The following SEMA6D variants were observed in gnomAD, a reference collection of about 807,000 sequenced individuals.
The protein encoded by SEMA6D is semaphorin 6D.
SEMA6D carries 35 observed loss-of-function variants against 106.6 expected under a neutral mutation model. The ratio of observed to expected loss-of-function variants is 0.33; its 90% CI spans 0.25 to 0.44. The LOEUF is 0.44. Among genes scored for constraint, SEMA6D ranks in the 20% least tolerant of loss-of-function variants. The pLI is 1.00. For synonymous variants in SEMA6D, 499 were observed against 487.7 expected (o/e 1.02, Z -0.31); for missense variants, 1,185 against 1,345.9 (o/e 0.88, Z 1.87).
chr15:47,635,159 G>A (rs2144601451), intron 4 of SEMA6D, among the ~76,000 whole-genome samples: 1 of 152,252 alleles, frequency 6.6e-6, no homozygotes, highest in Middle Eastern at 3.4e-3. Context: ...ACATGTCAGG[G>A]ATACATGGGA....
intron 4 of SEMA6D, among the ~76,000 whole-genome samples, chr15:47,664,996 G>T (rs546367207): frequency 3.9e-5 from 6 of 152,080 alleles, no homozygotes; most frequent in Non-Finnish European, 8.8e-5. Flanking sequence ...GAGGTGGGGG[G>T]GCGTGGTTAA....
At chr15:47,312,113 C>T (rs2036470591) in intron 1 of SEMA6D, among the ~76,000 whole-genome samples, 2 of 150,114 alleles carry the variant, frequency 1.3e-5, no homozygotes, top group South Asian at 2.1e-4. Flanking sequence ...TTGCAATTGA[C>T]AGTATTCATT....
At chr15:47,730,464 C>T (rs1331814127) in intron 1 of SEMA6D, 3 of 1,338,146 alleles carry the variant, frequency 2.2e-6, no homozygotes, top group South Asian at 1.2e-5. Context: ...GGATCCACGT[C>T]GTGTGCAATC....
At chr15:47,629,017 C>T (rs1470926921) in intron 4 of SEMA6D, among the ~76,000 whole-genome samples, 1 of 152,030 alleles carries the variant, frequency 6.6e-6, no homozygotes, top group East Asian at 1.9e-4. Context: ...TGAGGGAGCA[C>T]CTTTGCCAAG....
intron 2 of SEMA6D, among the ~76,000 whole-genome samples, chr15:47,459,850 G>A (rs2042450902): frequency 6.6e-6 from 1 of 151,980 alleles, no homozygotes; most frequent in Admixed American, 6.6e-5. Flanking sequence ...ATGTGGAGTA[G>A]TGCAGAGTGT....
intron 15 of SEMA6D, 147 bp from the exon 16 acceptor site, chr15:47,766,469 A>G: frequency 1.4e-6 from 1 of 702,380 alleles, no homozygotes; most frequent in Non-Finnish European, 2.4e-6. Flanking sequence ...TAGTCATTTT[A>G]GCAAGTTATG....
intron 2 of SEMA6D, among the ~76,000 whole-genome samples, chr15:47,467,790 C>T (rs892212476): frequency 1.4e-4 from 22 of 152,186 alleles, no homozygotes; most frequent in East Asian, 1.4e-3. Flanking sequence ...AGACCTACAC[C>T]GGCAGCATCG....
intron 2 of SEMA6D, among the ~76,000 whole-genome samples, chr15:47,461,956 A>G (rs1189129898): frequency 6.6e-6 from 1 of 152,062 alleles, no homozygotes; most frequent in Non-Finnish European, 1.5e-5. Flanking sequence ...CCACATGAGT[A>G]AGATAGGCCT....
chr15:47,339,418 A>T (rs2037717690), intron 1 of SEMA6D, among the ~76,000 whole-genome samples: 2 of 152,174 alleles, frequency 1.3e-5, no homozygotes, highest in Non-Finnish European at 2.9e-5. Context: ...GAATTCGAAG[A>T]TACCCACTTG....
At chr15:47,681,743 A>T (rs1040508893) in intron 4 of SEMA6D, among the ~76,000 whole-genome samples, 4 of 152,212 alleles carry the variant, frequency 2.6e-5, no homozygotes, top group African/African-American at 9.6e-5. Context: ...TCTTCTTTAC[A>T]GTGGTGATAT....
At chr15:47,584,319 A>C (rs1026370854) in intron 3 of SEMA6D, among the ~76,000 whole-genome samples, 1 of 152,004 alleles carries the variant, frequency 6.6e-6, no homozygotes, top group African/African-American at 2.4e-5. Flanking sequence ...GCTACTTGGG[A>C]GGCTGAGGCA....
Position 47,702,504 on chromosome 15 carries a change from A to G in SEMA6D, c.-54-57241A>G, listed in dbSNP as rs143143115. On this transcript the variant is annotated intron_variant, in intron 4 of 19. Coordinates refer to the SEMA6D transcript ENST00000558014. ...CATATGCTTACCATACAATCCAACA[A>G]TCGCACATTTTAGTATTTACCCAGA... 2.6e-4 allele frequency among the ~76,000 whole-genome samples: 40 copies of G among 152,320 alleles called. No homozygotes were observed. In the East Asian group the frequency reaches 7.3e-3, roughly 28 times the overall value.
intron 1 of SEMA6D, among the ~76,000 whole-genome samples, chr15:47,256,423 GTT>G (rs2142011069): frequency 6.6e-6 from 1 of 152,194 alleles, no homozygotes; most frequent in South Asian, 2.1e-4. Flanking sequence ...TAACAGTTTT[GTT>G]AAGTGTATAC....
At chr15:47,607,360 C>T (rs1017517143) in intron 4 of SEMA6D, among the ~76,000 whole-genome samples, 8 of 152,098 alleles carry the variant, frequency 5.3e-5, no homozygotes, top group African/African-American at 1.9e-4. Flanking sequence ...AATTTATAGA[C>T]AGACAAATGG....
chr15:47,687,495 G>C (rs2078494832), intron 4 of SEMA6D, among the ~76,000 whole-genome samples: 1 of 152,074 alleles, frequency 6.6e-6, no homozygotes, highest in South Asian at 2.1e-4. Context: ...GTGAAGCAGA[G>C]AAATAGATAT....
At position 47,475,013 on chromosome 15, in the gene SEMA6D, C is replaced by G. The variant is rs535717092; in HGVS notation, c.-87+4468C>G. Among the ~76,000 whole-genome samples the G allele has an allele frequency of 2.0e-5, 3 of 152,238 alleles. No individual in the cohort carries two copies. In the South Asian group the frequency reaches 6.2e-4, roughly 32 times the overall value. On this transcript the variant is annotated intron_variant, in intron 3 of 19. Transcript: ENST00000558014. ...TGAGTGACTGTGTGGAGCAGAGTCCCTGCTGACATTTCATTGGCTATAAAA... is the reference window on the plus strand; with the variant it reads ...TGAGTGACTGTGTGGAGCAGAGTCCGTGCTGACATTTCATTGGCTATAAAA...
At chr15:47,371,168 AT>A (rs1414899711) in intron 1 of SEMA6D, among the ~76,000 whole-genome samples, 5 of 152,164 alleles carry the variant, frequency 3.3e-5, no homozygotes, top group Non-Finnish European at 5.9e-5. Context: ...GTATCCAGGT[AT>A]TTCATTAAAC....
At chr15:47,521,128 G>A (rs1389073418) in intron 3 of SEMA6D, among the ~76,000 whole-genome samples, 1 of 152,138 alleles carries the variant, frequency 6.6e-6, no homozygotes, top group African/African-American at 2.4e-5. Context: ...TCCATCTTGA[G>A]GAGACGTGGG....
chr15:47,284,451 T>C (rs1311760050), intron 1 of SEMA6D, among the ~76,000 whole-genome samples: 1 of 152,214 alleles, frequency 6.6e-6, no homozygotes, highest in Non-Finnish European at 1.5e-5. Context: ...TCTAGGTTTT[T>C]AAGTCCGTTG....
Sources: allele counts gnomAD v4.1 joint callset (sites outside exome capture counted in the v4.1 genomes callset), GRCh38; gene constraint gnomAD v4.1.1; transcripts MANE v1.5; gene names NCBI Gene and HGNC (gene_info 2026-07-23, HGNC 2026-07-21).